Variants in EML3 observed in about 807,000 individuals in gnomAD.
EML3 encodes the protein echinoderm microtubule-associated protein-like 3.
A neutral mutation model predicts 106.7 loss-of-function variants in EML3; 53 were observed. The observed-to-expected ratio is 0.50, with a 90% confidence interval of 0.40 to 0.62. The LOEUF is 0.62. EML3 is among the 20% of genes least tolerant of loss of function. The probability of loss-of-function intolerance (pLI) is 0.00; values close to 1 mark genes in which losing one functional copy is unlikely to be tolerated. For missense variants in EML3, 994 were observed against 1,209.1 expected, an observed-to-expected ratio of 0.82 and a Z score of 2.64; for synonymous variants, 499 against 489.6, an observed-to-expected ratio of 1.02 and a Z score of -0.25.
rs758219718 is a variant in EML3, at chr11:62,611,087, G to A, written c.452C>T (p.Thr151Met). The A allele has an allele frequency of 9.8e-5, 156 of 1,598,764 alleles. No individual in the cohort carries two copies. Among genetic ancestry groups the A allele is most frequent in the Non-Finnish European group, 1.3e-4 (155 of 1,177,622 alleles). ...RPLQPPQRAD[T>M]PRRNSSSSSS... is the part of the protein sequence containing the mutation. The stretch of plus-strand genomic sequence containing the variant: ...CGCCACAGGGCCACAGGACACCTAC[G>A]TGTCAGCACGCTGTGGGGGCTGCAA... The change falls in exon 3 of 22, where the codon ACG becomes ATG. Residue 151 changes from threonine (T) to methionine (M), a missense_variant and splice_region_variant. By Grantham distance (81) the Thr-to-Met change is moderately conservative. Coordinates refer to ENST00000394773, the MANE Select transcript of EML3 (RefSeq NM_153265.3).
rs768124111 is a variant in EML3 at position 62,610,958 on chromosome 11, AG to A, written c.486del (p.Ser163GlnfsTer19). The A allele has an allele frequency of 6.2e-7, 1 of 1,613,754 alleles. No homozygotes were observed. The stretch of plus-strand genomic sequence containing the variant: ...GAGAGCTTCTGCCGAGGCCGCTCTG[AG>A]GGGGATGAGGAGGAGGAAGAATTTC... Reference protein sequence around the residue: ...PRRNSSSSSSPSERPRQKLSR... With the variant: ...PRRNSSSSSSXSERPRQKLSR... On this transcript the variant is annotated frameshift_variant, in exon 4 of 22. Coordinates refer to ENST00000394773, the MANE Select transcript of EML3 (RefSeq NM_153265.3). LOFTEE classifies it high-confidence loss of function.
intron 16 of EML3, 116 bp from the exon 17 acceptor site, chr11:62,604,317 C>G: frequency 2.6e-6 from 2 of 757,590 alleles, no homozygotes; most frequent in Non-Finnish European, 4.6e-6. Flanking sequence ...AGCTCAGAGA[C>G]ACACACAGAA....
Position 62,608,501 on chromosome 11 carries a change from T to C in EML3, c.1110+41A>G, listed in dbSNP as rs190016843. ...TGGTGACATGCAAGAGTGGGGTTCC[T>C]AGGCAAGAATGGGGGTCTAGAGGCT... is the stretch of plus-strand genomic sequence containing the variant. On this transcript the variant is annotated intron_variant, in intron 9 of 21. Transcript: ENST00000394773. 147 of 1,584,260 alleles carry C rather than the reference T, an allele frequency of 9.3e-5. No homozygotes were observed. The African/African-American group carries it at 1.7e-3, about 18-fold the overall frequency.
chr11:62,611,437 G>A lies in EML3; in HGVS notation c.182C>T (p.Pro61Leu). The A allele has an allele frequency of 6.2e-7, 1 of 1,613,762 alleles. No homozygotes were observed. Among genetic ancestry groups the A allele is most frequent in the Non-Finnish European group, 8.5e-7 (1 of 1,179,824 alleles). The change falls in exon 2 of 22, where the codon CCT becomes CTT. Residue 61 changes from proline to leucine, a missense_variant. Physicochemically the swap from Pro to Leu is moderately conservative, Grantham distance 98. Around this residue, in one of 3 missense-constraint regions of EML3, gnomAD observed 269 missense variants for 265.1 expected, o/e 1.01. Coordinates refer to ENST00000394773, the MANE Select transcript of EML3 (RefSeq NM_153265.3). ...ATGACATGCATACCTGTCCCCCGGAGGAGCTGGTGTGCCAGAGCCCTGCAG... is the reference window on the plus strand; with the variant it reads ...ATGACATGCATACCTGTCCCCCGGAAGAGCTGGTGTGCCAGAGCCCTGCAG... ...SSLQGSGTPAPPGDSLAAPPG... is the reference protein window; with the variant it reads ...SSLQGSGTPALPGDSLAAPPG...
chr11:62,610,106 C>T (rs574206762), intron 4 of EML3, among the ~76,000 whole-genome samples: 4 of 152,322 alleles, frequency 2.6e-5, no homozygotes, highest in African/African-American at 9.6e-5. Flanking sequence ...TACACGTGCG[C>T]GCCACTAGGC....
chr11:62,612,143 G>A (rs1309004921), intron 1 of EML3: 9 of 502,966 alleles, frequency 1.8e-5, no homozygotes, highest in Non-Finnish European at 2.4e-5. Context: ...GTGGGGATCA[G>A]AAGGAAAAAG....
chr11:62,611,892 T>C (rs1942849958), intron 1 of EML3: 3 of 456,910 alleles, frequency 6.6e-6, no homozygotes, highest in Non-Finnish European at 1.2e-5. Flanking sequence ...CCGAGGAACG[T>C]GGGAGCCACA....
At position 62,612,719 on chromosome 11, in the gene EML3, T is replaced by G. The variant is rs1027442466; in HGVS notation, c.-262A>C. ...TCCCGGGGGTGGGGTGGCAGGGCCG[T>G]CCGGTGCCACAGCGCCGCAGCACAA... On this transcript the variant is annotated 5_prime_UTR_variant, in exon 1 of 22. Coordinates refer to ENST00000394773, the MANE Select transcript of EML3 (RefSeq NM_153265.3). 46 of 237,678 alleles carry G rather than the reference T, an allele frequency of 1.9e-4. No homozygotes were observed. Among genetic ancestry groups the G allele is most frequent in the African/African-American group, 1.1e-3 (44 of 41,788 alleles). The allele number at this position is 237,678 out of a possible 1,614,324, so 14.7% of individuals were successfully genotyped here. A position where few individuals can be genotyped will look rare whatever the true frequency, so the allele number is the denominator to read the frequency against.
At chr11:62,608,021 C>T in intron 10 of EML3, 180 bp downstream of exon 10, 1 of 791,648 alleles carries the variant, frequency 1.3e-6, no homozygotes, top group Non-Finnish European at 2.1e-6. Context: ...ACACATTATG[C>T]CTCATGAGGT....
At position 62,606,055 on chromosome 11, in the gene EML3, G is replaced by A. The variant is rs765096886; in HGVS notation, c.1656+8C>T. 2.5e-6 allele frequency: 4 copies of A among 1,613,808 alleles called. No individual in the cohort carries two copies. The highest frequency in any genetic ancestry group is 3.4e-6 in the Non-Finnish European group (4 of 1,179,908). ...CCCTCACTCCCTTGACCCCAGCCCA[G>A]CCCTCACCTCAGCCTCCTGGAGGGC... On this transcript the variant is annotated splice_region_variant and intron_variant, in intron 13 of 21. Transcript: ENST00000394773.
rs190132072 is a variant in EML3 at position 62,606,340 on chromosome 11, C to T, written c.1505-126G>A. The T allele has an allele frequency of 1.1e-4, 120 of 1,056,606 alleles. No homozygotes were observed. The East Asian group carries it at 2.8e-3, about 25-fold the overall frequency. 65.5% of individuals were successfully genotyped at this position (1,056,606 alleles called of 1,614,324 possible). A position where few individuals can be genotyped will look rare whatever the true frequency, so the allele number is the denominator to read the frequency against. ...GCATGCACTGACTACTATGTCTCATCCTCATACTGCCAACACATCTGTTAT... is the reference window on the plus strand; with the variant it reads ...GCATGCACTGACTACTATGTCTCATTCTCATACTGCCAACACATCTGTTAT... On this transcript the variant is annotated intron_variant, in intron 12 of 21. Transcript: ENST00000394773.
chr11:62,602,512 G>A lies in EML3; in HGVS notation c.2654C>T (p.Thr885Ile). ...AGPAPATPSRTPSLSPASSLD... is the reference protein window; with the variant it reads ...AGPAPATPSRIPSLSPASSLD... ...GGAGGAGGCGGGGGACAGGGAGGGG[G>A]TTCGAGAGGGCGTGGCGGGCGCCGG... Residue 885 changes from threonine (T) to isoleucine (I), a missense_variant, in exon 22 of 22, where the codon ACC becomes ATC. Around this residue, in one of 3 missense-constraint regions of EML3, gnomAD observed 713 missense variants for 920.5 expected, o/e 0.77. Coordinates refer to ENST00000394773, the MANE Select transcript of EML3 (RefSeq NM_153265.3). The A allele has an allele frequency of 1.3e-6, 2 of 1,515,922 alleles. No homozygotes were observed. The highest frequency in any genetic ancestry group is 1.8e-6 in the Non-Finnish European group (2 of 1,130,618). The allele number at this position is 1,515,922 out of a possible 1,614,324, so 93.9% of individuals were successfully genotyped here. A position where few individuals can be genotyped will look rare whatever the true frequency, so the allele number is the denominator to read the frequency against.
chr11:62,602,705 G>T, intron 21 of EML3, 27 bp from the exon 22 acceptor site: 1 of 1,598,668 alleles, frequency 6.3e-7, no homozygotes, highest in Non-Finnish European at 8.5e-7. Context: ...AGTTGCGGTG[G>T]CGGCTGAGCC....
chr11:62,608,601 G>T lies in EML3; in HGVS notation c.1051C>A (p.Gln351Lys). The change falls in exon 9 of 22, where the codon CAG becomes AAG. Residue 351 changes from glutamine (Q) to lysine (K), a missense_variant. By Grantham distance (53) the Gln-to-Lys change is moderately conservative. Around this residue, in one of 3 missense-constraint regions of EML3, gnomAD observed 713 missense variants for 920.5 expected, o/e 0.77. Coordinates refer to ENST00000394773, the MANE Select transcript of EML3 (RefSeq NM_153265.3). ...TCGAAGGCCCCCAGTCCAATCTCCT[G>T]CAGTTTCAACAGCGTCTCTGAGTCC... is the stretch of plus-strand genomic sequence containing the variant. Reference protein sequence around the residue: ...IWDSETLLKLQEIGLGAFERG... With the variant: ...IWDSETLLKLKEIGLGAFERG... 6.2e-7 allele frequency: 1 copy of T among 1,614,242 alleles called. No individual in the cohort carries two copies. The highest frequency in any genetic ancestry group is 8.5e-7 in the Non-Finnish European group (1 of 1,180,048).
chr11:62,602,418 A>AAGGGC lies in EML3; in HGVS notation c.*52_*56dup, dbSNP rs573593516. 4,152 of 1,534,542 alleles carry AAGGGC rather than the reference A, an allele frequency of 2.7e-3. 10 individuals are homozygous for AAGGGC. Among genetic ancestry groups the AAGGGC allele is most frequent in the South Asian group, 3.7e-3 (309 of 83,560 alleles). On this transcript the variant is annotated 3_prime_UTR_variant, in exon 22 of 22. Transcript: ENST00000394773. ...CTAGTCGTGGGGGATTGGGCCAGGGAAGGGCAGGGCGGGGCGGGGCCACGC... is the reference window on the plus strand; with the variant it reads ...CTAGTCGTGGGGGATTGGGCCAGGGAAGGGCAGGGCAGGGCGGGGCGGGGCCACGC...
intron 1 of EML3, chr11:62,611,886 G>C (rs2134413792): frequency 2.1e-6 from 1 of 470,672 alleles, no homozygotes; most frequent in South Asian, 2.9e-5. Flanking sequence ...GTACTGCCGA[G>C]GAACGTGGGA....
chr11:62,610,662 C>T (rs1313383734), intron 4 of EML3, among the ~76,000 whole-genome samples: 2 of 152,206 alleles, frequency 1.3e-5, no homozygotes, highest in Non-Finnish European at 2.9e-5. Context: ...ATGAGACCAC[C>T]TAACCCCCAA....
At position 62,606,185 on chromosome 11, in the gene EML3, C is replaced by T. The variant is rs754438929; in HGVS notation, c.1534G>A (p.Ala512Thr). The T allele has an allele frequency of 1.2e-6, 2 of 1,613,964 alleles. No individual in the cohort carries two copies. The highest frequency in any genetic ancestry group is 1.7e-6 in the Non-Finnish European group (2 of 1,180,030). ...ETYGIVAQAH[A>T]HEGSIFALCL... Reference sequence around the variant, plus strand: ...AAGGCGAAGATAGAACCTTCATGAGCGTGAGCCTGGGCCACAATCCCATAG... The same window carrying T: ...AAGGCGAAGATAGAACCTTCATGAGTGTGAGCCTGGGCCACAATCCCATAG... The change falls in exon 13 of 22, where the codon GCT (alanine) becomes ACT (threonine). Residue 512 changes from alanine (A) to threonine (T), a missense_variant. Ala to Thr is a moderately conservative substitution (Grantham distance 58, BLOSUM62 0). Transcript: ENST00000394773.
rs1423492348 is a variant in EML3 at position 62,602,260 on chromosome 11, A to G, written c.*215T>C. On this transcript the variant is annotated 3_prime_UTR_variant, in exon 22 of 22. Coordinates refer to ENST00000394773, the MANE Select transcript of EML3 (RefSeq NM_153265.3). ...TTATTGCCCCTCAGCAGGCAGCGGGAGTCAAGGCCTAGGCTGGGGCTGCCC... is the reference window on the plus strand; with the variant it reads ...TTATTGCCCCTCAGCAGGCAGCGGGGGTCAAGGCCTAGGCTGGGGCTGCCC... 5 of 1,546,710 alleles carry G rather than the reference A, an allele frequency of 3.2e-6. No individual in the cohort carries two copies. Among genetic ancestry groups the G allele is most frequent in the Non-Finnish European group, 3.5e-6 (4 of 1,144,680 alleles).
Sources: allele counts gnomAD v4.1 joint callset (sites outside exome capture counted in the v4.1 genomes callset), GRCh38; gene constraint gnomAD v4.1.1; regional missense constraint gnomAD v4.1.1; transcripts MANE v1.5; gene names NCBI Gene and HGNC (gene_info 2026-07-23, HGNC 2026-07-21).